The following THSD7B variants were observed in gnomAD, a reference collection of about 807,000 sequenced individuals.
THSD7B encodes the protein thrombospondin type-1 domain-containing protein 7B.
A neutral mutation model predicts 213.6 loss-of-function variants in THSD7B; 138 were observed. The ratio of observed to expected loss-of-function variants is 0.65; its 90% confidence interval spans 0.56 to 0.74. The LOEUF (loss-of-function observed/expected upper bound fraction) is 0.74, where lower values mean the gene tolerates loss of function less well. Ranked by LOEUF, THSD7B falls within the 30% of genes least tolerant of loss-of-function variation. The pLI, the probability that THSD7B is intolerant of heterozygous loss-of-function variation, is 0.00. For missense variants in THSD7B, 1,931 were observed against 1,991.5 expected, an observed-to-expected ratio of 0.97 and a Z score of 0.58; for synonymous variants, 742 against 687.0, an observed-to-expected ratio of 1.08 and a Z score of -1.25.
chr2:137,412,720 T>C (rs897679499), intron 14 of THSD7B, among the ~76,000 whole-genome samples: 1 of 151,022 alleles, frequency 6.6e-6, no homozygotes, highest in African/African-American at 2.4e-5. Flanking sequence ...TTTTGTCAGA[T>C]GTTAATCTGG....
chr2:137,188,501 C>T (rs983581426), intron 7 of THSD7B, among the ~76,000 whole-genome samples: 2 of 152,138 alleles, frequency 1.3e-5, no homozygotes, highest in African/African-American at 4.8e-5. Context: ...TAAAAGTGTA[C>T]AAGACTGCAT....
intron 7 of THSD7B, among the ~76,000 whole-genome samples, chr2:137,186,969 A>G (rs1475099095): frequency 1.3e-5 from 2 of 151,816 alleles, no homozygotes; most frequent in African/African-American, 4.8e-5. Context: ...TTTTGTGGCT[A>G]TTGTAAATGC....
intron 1 of THSD7B, among the ~76,000 whole-genome samples, chr2:136,814,331 C>T (rs1265025504): frequency 6.6e-6 from 1 of 152,126 alleles, no homozygotes; most frequent in East Asian, 1.9e-4. Context: ...ACACCAATTA[C>T]AATTCTTTTT....
chr2:137,498,144 T>G (rs1272974182), intron 15 of THSD7B, among the ~76,000 whole-genome samples: 6 of 152,182 alleles, frequency 3.9e-5, no homozygotes, highest in African/African-American at 1.2e-4. Flanking sequence ...AGTGATCTGT[T>G]AAATATGTTC....
chr2:137,015,182 C>T (rs1686315406), intron 2 of THSD7B, among the ~76,000 whole-genome samples: 1 of 152,166 alleles, frequency 6.6e-6, no homozygotes, highest in African/African-American at 2.4e-5. Context: ...GAGCCTAGCA[C>T]AAATGCTAGT....
intron 17 of THSD7B, among the ~76,000 whole-genome samples, chr2:137,578,738 T>C (rs951337132): frequency 6.6e-6 from 1 of 152,194 alleles, no homozygotes; most frequent in Non-Finnish European, 1.5e-5. Context: ...GGGGAAATGA[T>C]AGGGACCTAG....
At chr2:137,648,725 C>T (rs1683083165) in intron 21 of THSD7B, among the ~76,000 whole-genome samples, 1 of 151,982 alleles carries the variant, frequency 6.6e-6, no homozygotes, top group African/African-American at 2.4e-5. Context: ...TGATCTCTTT[C>T]CCTTCTCTTG....
At chr2:136,867,727 T>C (rs921962368) in intron 1 of THSD7B, among the ~76,000 whole-genome samples, 18 of 152,360 alleles carry the variant, frequency 1.2e-4, no homozygotes, top group Non-Finnish European at 2.4e-4. Flanking sequence ...AATCCACTTA[T>C]CTAAGTTTGT....
intron 1 of THSD7B, among the ~76,000 whole-genome samples, chr2:136,837,542 T>C (rs1266610298): frequency 1.3e-5 from 2 of 152,220 alleles, no homozygotes; most frequent in African/African-American, 4.8e-5. Flanking sequence ...TCTGCCACTC[T>C]CTATTCCTGC....
intron 3 of THSD7B, among the ~76,000 whole-genome samples, chr2:137,080,662 A>G (rs1687730079): frequency 6.6e-6 from 1 of 151,956 alleles, no homozygotes; most frequent in Non-Finnish European, 1.5e-5. Context: ...TCCACCTGGT[A>G]CCTATAATTT....
At chr2:137,602,459 G>T (rs1182240918) in intron 17 of THSD7B, among the ~76,000 whole-genome samples, 1 of 151,886 alleles carries the variant, frequency 6.6e-6, no homozygotes, top group Non-Finnish European at 1.5e-5. Context: ...TAGTAGAGAC[G>T]GGGTTTCACC....
intron 2 of THSD7B, among the ~76,000 whole-genome samples, chr2:137,055,033 T>G (rs952177425): frequency 2.6e-5 from 4 of 152,164 alleles, no homozygotes; most frequent in African/African-American, 9.7e-5. Flanking sequence ...CATGCAGTGT[T>G]TGGTTTTCTA....
intron 2 of THSD7B, among the ~76,000 whole-genome samples, chr2:136,943,885 G>T (rs1241879758): frequency 6.6e-6 from 1 of 152,062 alleles, no homozygotes; most frequent in African/African-American, 2.4e-5. Context: ...ATCTCCTTCA[G>T]TTCTGCTCTG....
chr2:137,213,453 A>G (rs1681166904), intron 7 of THSD7B, among the ~76,000 whole-genome samples: 1 of 148,036 alleles, frequency 6.8e-6, no homozygotes, highest in Non-Finnish European at 1.5e-5. Flanking sequence ...ATTATAATAT[A>G]TTGTCATATT....
At chr2:136,919,298 T>C (rs1684396958) in intron 2 of THSD7B, among the ~76,000 whole-genome samples, 1 of 152,220 alleles carries the variant, frequency 6.6e-6, no homozygotes, top group Admixed American at 6.5e-5. Context: ...AAATATATTC[T>C]TGGTAATTAG....
chr2:136,877,458 C>T (rs78659069), intron 1 of THSD7B, among the ~76,000 whole-genome samples: 2,946 of 152,192 alleles, frequency 0.019, 46 homozygotes, highest in East Asian at 0.072. Flanking sequence ...ATTCAAGCAA[C>T]GGAGCTTTAC....
chr2:137,270,753 A>G (rs1288819896), intron 10 of THSD7B, among the ~76,000 whole-genome samples: 1 of 152,170 alleles, frequency 6.6e-6, no homozygotes, highest in Non-Finnish European at 1.5e-5. Flanking sequence ...TTAAAAAAAT[A>G]TGGGTTATTA....
In THSD7B at chr2:137,624,938, C is replaced by T. The variant is rs532837190; in HGVS notation, c.3799+4212C>T. On this transcript the variant is annotated intron_variant, in intron 20 of 27. Transcript: ENST00000409968. ...GTGGTGATCCCTCAAGGATCTAGAACTAGAAATACCATTTGACCCAGCGAT... is the reference window on the plus strand; with the variant it reads ...GTGGTGATCCCTCAAGGATCTAGAATTAGAAATACCATTTGACCCAGCGAT... Among the ~76,000 whole-genome samples the T allele has an allele frequency of 2.6e-5, 4 of 152,278 alleles. No homozygotes were observed. In the East Asian group the frequency reaches 7.7e-4, roughly 29 times the overall value.
intron 2 of THSD7B, among the ~76,000 whole-genome samples, chr2:137,005,604 T>C (rs945052642): frequency 1.3e-5 from 2 of 152,244 alleles, no homozygotes; most frequent in African/African-American, 4.8e-5. Flanking sequence ...ACTTCTGCAA[T>C]TGCCAAGTTT....
Sources: allele counts gnomAD v4.1 joint callset (sites outside exome capture counted in the v4.1 genomes callset), GRCh38; gene constraint gnomAD v4.1.1; transcripts MANE v1.5; gene names NCBI Gene and HGNC (gene_info 2026-07-23, HGNC 2026-07-21).